Variants in KCND2 observed in about 807,000 individuals in gnomAD.
KCND2 encodes potassium voltage-gated channel subfamily D member 2, also known as A-type voltage-gated potassium channel KCND2.
Under a neutral mutation model 54.4 loss-of-function variants are expected in KCND2, and 16 were observed. That is an observed-to-expected ratio of 0.29 (90% CI 0.20 to 0.45). KCND2 has a LOEUF of 0.45. KCND2 is among the 20% of genes least tolerant of loss of function. The pLI, the probability that KCND2 is intolerant of heterozygous loss-of-function variation, is 1.00. For missense variants in KCND2, 486 were observed against 824.2 expected (o/e 0.59, Z 5.02); for synonymous variants, 317 against 310.7 (o/e 1.02, Z -0.21).
At chr7:120,721,204 A>G (rs1215712813) in intron 1 of KCND2, among the ~76,000 whole-genome samples, 1 of 152,168 alleles carries the variant, frequency 6.6e-6, no homozygotes, top group East Asian at 1.9e-4. Flanking sequence ...TACATAGAGT[A>G]AGAATACAAC....
chr7:120,485,646 G>C (rs1028001860), intron 1 of KCND2, among the ~76,000 whole-genome samples: 1 of 152,082 alleles, frequency 6.6e-6, no homozygotes, highest in South Asian at 2.1e-4. Flanking sequence ...AGTCATACTG[G>C]CTAAAAACAT....
At chr7:120,524,449 T>G (rs1185432058) in intron 1 of KCND2, among the ~76,000 whole-genome samples, 1 of 152,192 alleles carries the variant, frequency 6.6e-6, no homozygotes, top group African/African-American at 2.4e-5. Flanking sequence ...TTTAAAGGCT[T>G]TTTCTTTGAT....
At chr7:120,553,557 C>T (rs1327625780) in intron 1 of KCND2, among the ~76,000 whole-genome samples, 2 of 152,138 alleles carry the variant, frequency 1.3e-5, no homozygotes, top group Non-Finnish European at 2.9e-5. Flanking sequence ...TAGAAGGTAT[C>T]TTGCAATACC....
intron 1 of KCND2, among the ~76,000 whole-genome samples, chr7:120,440,041 A>G (rs1490186862): frequency 1.3e-5 from 2 of 151,996 alleles, no homozygotes; most frequent in African/African-American, 2.4e-5. Context: ...ATCATATGGC[A>G]GTTCTATTTT....
intron 1 of KCND2, among the ~76,000 whole-genome samples, chr7:120,725,226 G>A (rs1792718667): frequency 6.6e-6 from 1 of 152,034 alleles, no homozygotes; most frequent in African/African-American, 2.4e-5. Context: ...TTCTTTCCTT[G>A]ATTTTTTCTT....
At chr7:120,349,541 T>A (rs1800372272) in intron 1 of KCND2, among the ~76,000 whole-genome samples, 1 of 152,240 alleles carries the variant, frequency 6.6e-6, no homozygotes, top group Non-Finnish European at 1.5e-5. Flanking sequence ...TTTTGGAATT[T>A]TTTTTTCCTG....
intron 1 of KCND2, among the ~76,000 whole-genome samples, chr7:120,727,855 G>T (rs1584898366): frequency 6.6e-6 from 1 of 151,996 alleles, no homozygotes; most frequent in Admixed American, 6.6e-5. Flanking sequence ...AGTATGGGGG[G>T]CCGGGCACGG....
chr7:120,428,045 A>G (rs1801737996), intron 1 of KCND2, among the ~76,000 whole-genome samples: 1 of 152,220 alleles, frequency 6.6e-6, no homozygotes, highest in African/African-American at 2.4e-5. Context: ...CATGTAAAAA[A>G]ATTCCTGTTA....
At chr7:120,430,706 A>G (rs182786292) in intron 1 of KCND2, among the ~76,000 whole-genome samples, 226 of 152,330 alleles carry the variant, frequency 1.5e-3, no homozygotes, top group Non-Finnish European at 2.2e-3. Context: ...ACATATTTTC[A>G]TGAAGAGATG....
intron 1 of KCND2, among the ~76,000 whole-genome samples, chr7:120,592,959 A>G (rs1036352424): frequency 2.6e-5 from 4 of 152,296 alleles, no homozygotes; most frequent in Admixed American, 1.3e-4. Flanking sequence ...TCATGCTCAT[A>G]TTTTATAGGA....
intron 1 of KCND2, among the ~76,000 whole-genome samples, chr7:120,612,749 T>C (rs148400350): frequency 3.2e-4 from 48 of 152,334 alleles, no homozygotes; most frequent in African/African-American, 1.1e-3. Context: ...ATTTTTGTTA[T>C]TAGTTCTTAT....
chr7:120,730,366 CTCATATGT>C (rs1792790006), intron 1 of KCND2, among the ~76,000 whole-genome samples: 1 of 152,130 alleles, frequency 6.6e-6, no homozygotes, highest in South Asian at 2.1e-4. Context: ...CATAATTTGG[CTCATATGT>C]ACACAGCATT....
chr7:120,370,320 G>T (rs760156798), intron 1 of KCND2, among the ~76,000 whole-genome samples: 5 of 151,960 alleles, frequency 3.3e-5, no homozygotes, highest in Non-Finnish European at 5.9e-5. Flanking sequence ...ATCCTGGAGG[G>T]CACAATTGGC....
intron 1 of KCND2, among the ~76,000 whole-genome samples, chr7:120,657,519 G>C (rs2116554638): frequency 1.3e-5 from 2 of 152,212 alleles, no homozygotes; most frequent in Admixed American, 1.3e-4. Context: ...GTACATGCTA[G>C]TGTGAAATAG....
chr7:120,274,246 C>T lies in KCND2; in HGVS notation c.-387C>T. 3.0e-6 allele frequency: 1 copy of T among 332,860 alleles called. No individual in the cohort carries two copies. Among genetic ancestry groups the T allele is most frequent in the South Asian group, 3.2e-5 (1 of 31,382 alleles). The allele number at this position is 332,860 out of a possible 1,614,324, so 20.6% of individuals were successfully genotyped here. A position where few individuals can be genotyped will look rare whatever the true frequency, so the allele number is the denominator to read the frequency against. ...TCTCGTTCGTCTTCTCTATCCTACA[C>T]TCCACATACTGACCCTATATTATCC... On this transcript the variant is annotated 5_prime_UTR_variant, in exon 1 of 6. Transcript: ENST00000331113.
At chr7:120,707,415 C>A (rs60505248) in intron 1 of KCND2, among the ~76,000 whole-genome samples, 58,051 of 151,794 alleles carry the variant, frequency 0.38, 12,504 homozygotes, top group African/African-American at 0.57. Context: ...ACTTAAATGT[C>A]GCCCACAAAA....
chr7:120,672,997 G>C (rs1291433883), intron 1 of KCND2: 1 of 152,124 alleles, frequency 6.6e-6, no homozygotes, highest in African/African-American at 2.4e-5. Flanking sequence ...GAAAGAGAGA[G>C]AGAGAGAGAG....
chr7:120,412,709 G>A (rs1378373010), intron 1 of KCND2, among the ~76,000 whole-genome samples: 4 of 152,060 alleles, frequency 2.6e-5, no homozygotes, highest in Non-Finnish European at 1.5e-5. Flanking sequence ...AAGCTGTAGT[G>A]TTTGAAATAT....
intron 1 of KCND2, among the ~76,000 whole-genome samples, chr7:120,534,335 C>T (rs1370395128): frequency 6.6e-6 from 1 of 152,108 alleles, no homozygotes; most frequent in African/African-American, 2.4e-5. Flanking sequence ...ACCTACCTAA[C>T]CCTCCTTACC....
Sources: gnomAD v4.1 joint callset for allele counts (sites outside exome capture counted in the v4.1 genomes callset) on GRCh38, gnomAD v4.1.1 for gene constraint, MANE v1.5 for transcripts, NCBI Gene and HGNC (gene_info 2026-07-23, HGNC 2026-07-21) for gene names.